Variants in SLC20A2 observed in about 807,000 individuals in gnomAD.
SLC20A2 encodes sodium-dependent phosphate transporter 2.
SLC20A2 carries 30 observed loss-of-function variants against 61.0 expected under a neutral mutation model. The observed-to-expected ratio is 0.49, with a 90% CI of 0.37 to 0.67. SLC20A2 has a LOEUF of 0.67. SLC20A2 is among the 30% of genes least tolerant of loss of function. The pLI is 0.00. For missense variants in SLC20A2, 626 were observed against 866.4 expected, an observed-to-expected ratio of 0.72 and a Z score of 3.48; for synonymous variants, 351 against 353.3, an observed-to-expected ratio of 0.99 and a Z score of 0.07.
chr8:42,433,148 T>C (rs961741381), intron 8 of SLC20A2, among the ~76,000 whole-genome samples: 3 of 152,218 alleles, frequency 2.0e-5, no homozygotes, highest in African/African-American at 7.2e-5. Flanking sequence ...GTGTTAAGTA[T>C]ATTTACATTG....
At chr8:42,504,831 C>T (rs1319664325), upstream of SLC20A2, among the ~76,000 whole-genome samples, 1 of 84,524 alleles carries the variant, frequency 1.2e-5, no homozygotes, top group Non-Finnish European at 2.1e-5. Context: ...CCAGCCTGGG[C>T]AACAAAGCAA....
intron 1 of SLC20A2, among the ~76,000 whole-genome samples, chr8:42,517,088 T>C (rs1414648684): frequency 6.6e-6 from 1 of 152,236 alleles, no homozygotes; most frequent in Non-Finnish European, 1.5e-5. Context: ...ATTCAGATCA[T>C]TCTGAAACTA....
intron 4 of SLC20A2, among the ~76,000 whole-genome samples, chr8:42,461,306 G>C (rs1019848065): frequency 9.2e-5 from 14 of 152,170 alleles, no homozygotes; most frequent in Admixed American, 7.2e-4. Context: ...AAAATGCTGG[G>C]AGGCTCAATG....
At chr8:42,445,664 T>G (rs1050204207) in intron 5 of SLC20A2, among the ~76,000 whole-genome samples, 1 of 152,000 alleles carries the variant, frequency 6.6e-6, no homozygotes, top group Non-Finnish European at 1.5e-5. Flanking sequence ...GAGGCGGAGG[T>G]TGCAGTGAGC....
At chr8:42,438,352 C>G (rs1804508744) in intron 7 of SLC20A2, among the ~76,000 whole-genome samples, 1 of 152,200 alleles carries the variant, frequency 6.6e-6, no homozygotes, top group African/African-American at 2.4e-5. Context: ...TCAGCTCTGT[C>G]ACCCAGGCTG....
rs569381816 is a variant in SLC20A2 at position 42,496,910 on chromosome 8, C to A, written c.-265+4121G>T. Among the ~76,000 whole-genome samples the A allele has an allele frequency of 2.6e-5, 4 of 152,326 alleles. No individual in the cohort carries two copies. The South Asian group carries it at 8.3e-4, about 32-fold the overall frequency. On this transcript the variant is annotated intron_variant, in intron 1 of 10. Transcript: ENST00000520262. The stretch of plus-strand genomic sequence containing the variant: ...AGCCAACAATAAGCTCCCCACCCCC[C>A]ATATGGGCTACACGCTACCTCTGCC...
chr8:42,425,410 G>A (rs1334298095), intron 10 of SLC20A2, among the ~76,000 whole-genome samples: 1 of 152,186 alleles, frequency 6.6e-6, no homozygotes, highest in Non-Finnish European at 1.5e-5. Context: ...ACTGTTGTGT[G>A]CAGGGGAAAT....
At chr8:42,443,976 T>C (rs1397421512) in intron 6 of SLC20A2, among the ~76,000 whole-genome samples, 1 of 152,228 alleles carries the variant, frequency 6.6e-6, no homozygotes, top group Non-Finnish European at 1.5e-5. Flanking sequence ...CAGTTCATTC[T>C]CTCTATTGCT....
intron 8 of SLC20A2, 75 bp from the exon 9 acceptor site, chr8:42,430,324 T>C: frequency 7.9e-7 from 1 of 1,261,828 alleles, no homozygotes; most frequent in East Asian, 2.4e-5. Flanking sequence ...GACTTTGTTT[T>C]ATTGTGCTTC....
chr8:42,451,856 G>A (rs1805702278), intron 5 of SLC20A2, among the ~76,000 whole-genome samples: 1 of 140,746 alleles, frequency 7.1e-6, no homozygotes, highest in African/African-American at 2.7e-5. Flanking sequence ...GATGAAAGAG[G>A]AGGAAAAGAT....
intron 7 of SLC20A2, among the ~76,000 whole-genome samples, chr8:42,438,079 A>AAAAAAAAAAAAAAAAC (rs1804477270): frequency 1.4e-5 from 2 of 147,906 alleles, no homozygotes; most frequent in African/African-American, 5.0e-5. Context: ...AAAAAAAAAA[A>AAAAAAAAAAAAAAAAC]AAAAAAAAAA....
chr8:42,540,156 G>C (rs1430605762), intron 1 of SLC20A2, among the ~76,000 whole-genome samples: 1 of 152,180 alleles, frequency 6.6e-6, no homozygotes, highest in East Asian at 1.9e-4. Flanking sequence ...GCTGGGCGTG[G>C]TGGCGGGCGC....
At chr8:42,520,888 C>T (rs939153512) in intron 1 of SLC20A2, among the ~76,000 whole-genome samples, 1 of 120,908 alleles carries the variant, frequency 8.3e-6, no homozygotes, top group African/African-American at 2.5e-5. Context: ...TATTTGAGTA[C>T]GTGTTGTCTT....
At chr8:42,468,457 G>A (rs1309534850) in intron 2 of SLC20A2, among the ~76,000 whole-genome samples, 1 of 152,136 alleles carries the variant, frequency 6.6e-6, no homozygotes, top group Non-Finnish European at 1.5e-5. Context: ...GGGCCTGGTG[G>A]GGCCAGGAAA....
intron 1 of SLC20A2, among the ~76,000 whole-genome samples, chr8:42,516,272 G>A (rs926962545): frequency 6.6e-6 from 1 of 152,128 alleles, no homozygotes. Flanking sequence ...TGACAATCAC[G>A]TAGCCTTTGA....
At chr8:42,527,644 T>C (rs1812060293) in intron 1 of SLC20A2, among the ~76,000 whole-genome samples, 1 of 151,938 alleles carries the variant, frequency 6.6e-6, no homozygotes, top group South Asian at 2.1e-4. Context: ...GGCGCATGCC[T>C]GTAGTCCCAG....
chr8:42,437,541 G>C lies in SLC20A2; in HGVS notation c.971C>G (p.Ser324Trp). The change falls in exon 8 of 11, where the codon TCG (serine) becomes TGG (tryptophan). Residue 324 changes from serine (S) to tryptophan (W), a missense_variant. Ser to Trp is a radical substitution (Grantham distance 177, BLOSUM62 -3). Transcript: ENST00000520262. This position sits in a 1 kb window ranked among gnomAD's most constrained non-coding sequence, Gnocchi z 6.4. ...GCCGAAGGTGCCGTTGGAGATGGGC[G>C]ATTTCACAGAGCCATGGGTCATGGA... ...ALSMTHGSVK[S>W]PISNGTFGFD... 6.2e-7 allele frequency: 1 copy of C among 1,613,898 alleles called. No individual in the cohort carries two copies. Among genetic ancestry groups the C allele is most frequent in the Middle Eastern group, 1.7e-4 (1 of 6,052 alleles).
chr8:42,541,276 G>A (rs1000973972), intron 1 of SLC20A2: 3 of 150,902 alleles, frequency 2.0e-5, no homozygotes, highest in African/African-American at 4.8e-5. Context: ...GGTCCACGTG[G>A]GCCAGCAGGC....
At chr8:42,533,408 G>C (rs976490022) in intron 1 of SLC20A2, among the ~76,000 whole-genome samples, 2 of 152,050 alleles carry the variant, frequency 1.3e-5, no homozygotes, top group African/African-American at 4.8e-5. Flanking sequence ...TTGAGGCCAG[G>C]AGTTCAAGAC....
Sources: allele counts gnomAD v4.1 joint callset (sites outside exome capture counted in the v4.1 genomes callset), GRCh38; gene constraint gnomAD v4.1.1; non-coding constraint Gnocchi (gnomAD v3.1); transcripts MANE v1.5; gene names NCBI Gene and HGNC (gene_info 2026-07-23, HGNC 2026-07-21).